ATP8A2: variants seen among roughly 807,000 people sequenced by gnomAD.
The protein encoded by ATP8A2 is ATPase phospholipid transporting 8A2.
ATP8A2 carries 100 observed loss-of-function variants against 165.6 expected under a neutral mutation model. The observed-to-expected ratio is 0.60, with a 90% CI of 0.51 to 0.71. The LOEUF (loss-of-function observed/expected upper bound fraction) is 0.71. Ranked by LOEUF, ATP8A2 falls within the 30% of genes least tolerant of loss-of-function variation. The pLI is 0.00. For missense variants in ATP8A2, 1,227 were observed against 1,479.5 expected (o/e 0.83, Z 2.80); for synonymous variants, 543 against 548.8 (o/e 0.99, Z 0.15).
chr13:25,994,310 T>C (rs1956451850), intron 35 of ATP8A2, among the ~76,000 whole-genome samples: 1 of 152,054 alleles, frequency 6.6e-6, no homozygotes, highest in Non-Finnish European at 1.5e-5. Flanking sequence ...GACAATTATG[T>C]CATCTGCAAA....
At position 25,480,277 on chromosome 13, in the gene ATP8A2, C is replaced by T. The variant is rs1442726552; in HGVS notation, c.221+11156C>T. On this transcript the variant is annotated intron_variant, in intron 2 of 36. Transcript: ENST00000381655. ...GGCGCCCCTTACCTCCCGGACGGGG[C>T]GGCTGGCCGGGCGGGGGGCTGACCC... Among the ~76,000 whole-genome samples, 4 of 146,764 alleles carry T rather than the reference C, an allele frequency of 2.7e-5. No homozygotes were observed. In the East Asian group the frequency reaches 6.4e-4, roughly 24 times the overall value.
intron 28 of ATP8A2, among the ~76,000 whole-genome samples, chr13:25,830,619 A>G (rs1394343730): frequency 6.6e-6 from 1 of 152,210 alleles, no homozygotes. Context: ...TTTTGGTGAC[A>G]TTTGTATAAA....
At chr13:25,617,437 C>T (rs1453771561) in intron 24 of ATP8A2, among the ~76,000 whole-genome samples, 1 of 152,184 alleles carries the variant, frequency 6.6e-6, no homozygotes, top group Non-Finnish European at 1.5e-5. Context: ...TTGAATCCAT[C>T]AGTTATCATC....
Position 25,802,799 on chromosome 13 carries a change from A to G in ATP8A2, c.2680-25319A>G, listed in dbSNP as rs139189480. Among the ~76,000 whole-genome samples the G allele has an allele frequency of 3.3e-3, 501 of 152,322 alleles. 3 individuals carry two copies. The highest frequency in any genetic ancestry group is 0.011 in the African/African-American group (447 of 41,570). ...TGAAGTTCCACTTCCCTTTCATTCC[A>G]TGAGCCCCTTCAGTGGTTACTGCCT... On this transcript the variant is annotated intron_variant, in intron 27 of 36. Transcript: ENST00000381655.
intron 1 of ATP8A2, among the ~76,000 whole-genome samples, chr13:25,458,482 C>T (rs138857269): frequency 0.013 from 1,981 of 152,242 alleles, 17 homozygotes; most frequent in Middle Eastern, 0.02. Context: ...CCTGAGTAGC[C>T]GGAATTTACA....
Position 26,025,296 on chromosome 13 carries a change from G to T in ATP8A2, c.*5311G>T, listed in dbSNP as rs1207748169. 6.6e-6 allele frequency: 1 copy of T among 152,126 alleles called. No homozygotes were observed. Among genetic ancestry groups the T allele is most frequent in the African/African-American group, 2.4e-5 (1 of 41,416 alleles). 9.4% of individuals were successfully genotyped at this position (152,126 alleles called of 1,614,324 possible). ...CTCCCCCGTTGCCCGAGATGGCCAA[G>T]TTCAGGCCTGTGCAATGCCGCTTCC... On this transcript the variant is annotated 3_prime_UTR_variant, in exon 37 of 37. Transcript: ENST00000381655.
intron 16 of ATP8A2, among the ~76,000 whole-genome samples, chr13:25,569,169 C>G (rs914799229): frequency 6.6e-6 from 1 of 152,152 alleles, no homozygotes; most frequent in Non-Finnish European, 1.5e-5. Context: ...TAAATTCTCA[C>G]ATAAAGTACT....
chr13:25,799,104 C>A (rs1025695149), intron 27 of ATP8A2, among the ~76,000 whole-genome samples: 1 of 150,390 alleles, frequency 6.6e-6, no homozygotes, highest in African/African-American at 2.4e-5. Context: ...AAAAAAAAAA[C>A]ACAGTCAGTT....
intron 24 of ATP8A2, among the ~76,000 whole-genome samples, 192 bp downstream of exon 24, chr13:25,589,891 C>G (rs993396660): frequency 2.0e-5 from 3 of 152,084 alleles, no homozygotes; most frequent in African/African-American, 7.2e-5. Context: ...AAACAGTAAG[C>G]TTAGAATATT....
chr13:25,596,702 A>G (rs1414522265), intron 24 of ATP8A2, among the ~76,000 whole-genome samples: 1 of 152,154 alleles, frequency 6.6e-6, no homozygotes, highest in African/African-American at 2.4e-5. Context: ...GTTTGAGGTT[A>G]TTATGAATAA....
chr13:25,490,202 C>A (rs996377633), intron 2 of ATP8A2, among the ~76,000 whole-genome samples: 6 of 152,334 alleles, frequency 3.9e-5, no homozygotes, highest in Middle Eastern at 3.4e-3. Flanking sequence ...CTGGCTCATG[C>A]CCTTAGCCTC....
intron 2 of ATP8A2, among the ~76,000 whole-genome samples, chr13:25,477,710 G>A (rs146518250): frequency 0.059 from 8,938 of 152,254 alleles, 337 homozygotes; most frequent in South Asian, 0.13. Flanking sequence ...GCCGAGGCAG[G>A]CAGATCACCT....
At chr13:25,700,508 C>G (rs2042929099) in intron 25 of ATP8A2, among the ~76,000 whole-genome samples, 1 of 152,212 alleles carries the variant, frequency 6.6e-6, no homozygotes, top group African/African-American at 2.4e-5. Context: ...TCTGACTTCT[C>G]TCCATCCCTG....
intron 33 of ATP8A2, among the ~76,000 whole-genome samples, chr13:25,870,445 T>A (rs1952643546): frequency 6.6e-6 from 1 of 152,184 alleles, no homozygotes; most frequent in Non-Finnish European, 1.5e-5. Context: ...TTCTGTATCA[T>A]TTAAAGGGAC....
intron 30 of ATP8A2, among the ~76,000 whole-genome samples, chr13:25,844,814 C>A (rs1002927400): frequency 6.6e-6 from 1 of 152,130 alleles, no homozygotes; most frequent in Non-Finnish European, 1.5e-5. Flanking sequence ...GATGATGTCA[C>A]AAAGACAGGA....
chr13:25,552,415 C>G (rs1372788688), intron 11 of ATP8A2, among the ~76,000 whole-genome samples: 1 of 152,150 alleles, frequency 6.6e-6, no homozygotes, highest in African/African-American at 2.4e-5. Context: ...CTCCTTTGCA[C>G]TGTCATATAT....
chr13:25,877,485 A>G (rs946288911), intron 33 of ATP8A2, among the ~76,000 whole-genome samples: 1 of 152,032 alleles, frequency 6.6e-6, no homozygotes, highest in Non-Finnish European at 1.5e-5. Flanking sequence ...TGTTTCATTG[A>G]GTTGTTTATA....
At chr13:25,736,843 A>G (rs769921132) in intron 25 of ATP8A2, among the ~76,000 whole-genome samples, 4 of 152,180 alleles carry the variant, frequency 2.6e-5, no homozygotes, top group Non-Finnish European at 5.9e-5. Context: ...GAATATGTCC[A>G]GACAGGCACC....
At chr13:25,545,105 G>A (rs867309510) in intron 10 of ATP8A2, among the ~76,000 whole-genome samples, 5 of 151,928 alleles carry the variant, frequency 3.3e-5, no homozygotes, top group Admixed American at 6.6e-5. Flanking sequence ...GAGCTCTTGA[G>A]GGAGTGGGAG....
Sources: allele counts gnomAD v4.1 joint callset (sites outside exome capture counted in the v4.1 genomes callset), GRCh38; gene constraint gnomAD v4.1.1; transcripts MANE v1.5; gene names NCBI Gene and HGNC (gene_info 2026-07-23, HGNC 2026-07-21).